The following XRN1 variants were observed in gnomAD, a reference collection of about 807,000 sequenced individuals.
XRN1 encodes the protein 5'-3' exoribonuclease 1, also known as strand-exchange protein 1 homolog.
A neutral mutation model predicts 222.3 loss-of-function variants in XRN1; 67 were observed. The observed-to-expected ratio is 0.30, with a 90% CI of 0.25 to 0.37. XRN1 has a LOEUF of 0.37. Among genes scored for constraint, XRN1 ranks in the 10% least tolerant of loss-of-function variants. XRN1 has a pLI of 1.00. For missense variants in XRN1, 1,707 were observed against 2,000.2 expected (o/e 0.85, Z 2.80); for synonymous variants, 643 against 652.4 (o/e 0.99, Z 0.22).
chr3:142,424,152 G>A (rs1050925029), intron 5 of XRN1, among the ~76,000 whole-genome samples: 6 of 151,912 alleles, frequency 3.9e-5, no homozygotes. Context: ...CTGGAGCAGT[G>A]GCGCGATCTT....
At position 142,400,494 on chromosome 3, in the gene XRN1, C is replaced by T; in HGVS notation, c.2157G>A (p.Trp719Ter). ...CGACTCTAGCTTCCTCAAGGTGAGG[C>T]CAATTAACAAAGACAGATTTTCCAA... ...SVLGKSVFVNWPHLEEARVVA... is the reference protein window; with the variant it reads ...SVLGKSVFVN Residue 719 changes from tryptophan to a stop codon, truncating the protein, a stop_gained, in exon 19 of 41, where the codon TGG becomes TGA. Coordinates refer to ENST00000392981, the MANE Select transcript of XRN1 (RefSeq NM_001282857.2). LOFTEE classifies it high-confidence loss of function. 1 of 1,611,864 alleles carries T rather than the reference C, an allele frequency of 6.2e-7. No homozygotes were observed. Among genetic ancestry groups the T allele is most frequent in the Non-Finnish European group, 8.5e-7 (1 of 1,178,842 alleles).
Position 142,425,548 on chromosome 3 carries a change from A to T in XRN1, c.407-10T>A. On this transcript the variant is annotated splice_polypyrimidine_tract_variant and intron_variant, in intron 3 of 40. Coordinates refer to ENST00000392981, the MANE Select transcript of XRN1 (RefSeq NM_001282857.2). ...GCCATAAATTCAGTTCCTAAAAATAATGTTTTAAAAAGGTTAATCTAAGAA... is the reference window on the plus strand; with the variant it reads ...GCCATAAATTCAGTTCCTAAAAATATTGTTTTAAAAAGGTTAATCTAAGAA... 1 of 1,597,556 alleles carries T rather than the reference A, an allele frequency of 6.3e-7. No homozygotes were observed. Among genetic ancestry groups the T allele is most frequent in the Non-Finnish European group, 8.6e-7 (1 of 1,168,496 alleles).
chr3:142,329,944 T>C (rs1326761322), intron 36 of XRN1, among the ~76,000 whole-genome samples: 1 of 152,200 alleles, frequency 6.6e-6, no homozygotes, highest in Non-Finnish European at 1.5e-5. Flanking sequence ...AAGATGAGTC[T>C]TCCATGAAGC....
Position 142,401,651 on chromosome 3 carries a change from A to G in XRN1, c.2104-1104T>C, listed in dbSNP as rs529897829. Among the ~76,000 whole-genome samples the G allele has an allele frequency of 3.9e-3, 588 of 152,094 alleles. 11 individuals carry two copies. The highest frequency in any genetic ancestry group is 0.014 in the African/African-American group (574 of 41,512). On this transcript the variant is annotated intron_variant, in intron 18 of 40. Transcript: ENST00000392981. ...GAGAATCGCTCCTGGGCAGCAGAGG[A>G]TGCAGTGACCCAAGATAGCGCCACT...
intron 19 of XRN1, among the ~76,000 whole-genome samples, chr3:142,399,524 T>C (rs2068049318): frequency 6.6e-6 from 1 of 152,038 alleles, no homozygotes; most frequent in African/African-American, 2.4e-5. Flanking sequence ...ATCTTCTGGA[T>C]CTAGGGCTAG....
chr3:142,327,875 A>G (rs1385212093), intron 37 of XRN1, among the ~76,000 whole-genome samples: 26 of 152,140 alleles, frequency 1.7e-4, no homozygotes. Context: ...TTCACACTCT[A>G]TATCCCTATG....
chr3:142,387,226 T>C (rs2067537379), intron 20 of XRN1, among the ~76,000 whole-genome samples: 1 of 152,158 alleles, frequency 6.6e-6, no homozygotes, highest in African/African-American at 2.4e-5. Flanking sequence ...GAATACACTC[T>C]GTGTGAATGA....
intron 36 of XRN1, among the ~76,000 whole-genome samples, chr3:142,332,039 GT>G (rs1290419476): frequency 6.6e-6 from 1 of 152,126 alleles, no homozygotes; most frequent in African/African-American, 2.4e-5. Flanking sequence ...GCTTCCCAAA[GT>G]TCTGAGATTA....
intron 15 of XRN1, among the ~76,000 whole-genome samples, chr3:142,412,241 C>T (rs974702346): frequency 6.6e-6 from 1 of 152,152 alleles, no homozygotes; most frequent in Non-Finnish European, 1.5e-5. Context: ...TTATTAGATA[C>T]AACATATTTA....
At position 142,447,452 on chromosome 3, in the gene XRN1, C is replaced by G. The variant is rs1446198012; in HGVS notation, c.75+418G>C. ...GACTGCGTGCGGAAGCGGCTGTTAT[C>G]GTCTGTAAGTGGGTCTGCCGCTCTG... is the stretch of plus-strand genomic sequence containing the variant. On this transcript the variant is annotated intron_variant, in intron 1 of 40. Coordinates refer to ENST00000392981, the MANE Select transcript of XRN1 (RefSeq NM_001282857.2). The surrounding 1 kb of genome is among the most constrained non-coding windows in gnomAD (Gnocchi z 4.2). 2.0e-5 allele frequency among the ~76,000 whole-genome samples: 3 copies of G among 152,204 alleles called. No individual in the cohort carries two copies. The highest frequency in any genetic ancestry group is 7.2e-5 in the African/African-American group (3 of 41,460).
In XRN1 at chr3:142,418,425, T is replaced by TCAAAATCATATACTA. The variant is rs2068869902; in HGVS notation, c.1346+78_1346+79insTAGTATATGATTTTG. On this transcript the variant is annotated intron_variant, in intron 12 of 40. Transcript: ENST00000392981. ...AAAAAATCCTTTTTCTCCCACTACT[T>TCAAAATCATATACTA]CATCAAAATCATATTTTCTGAATAA... 5 of 1,158,360 alleles carry TCAAAATCATATACTA rather than the reference T, an allele frequency of 4.3e-6. No homozygotes were observed. In the East Asian group the frequency reaches 1.2e-4, roughly 29 times the overall value. 71.8% of individuals were successfully genotyped at this position (1,158,360 alleles called of 1,614,324 possible). A position where few individuals can be genotyped will look rare whatever the true frequency, so the allele number is the denominator to read the frequency against.
At chr3:142,402,212 C>T (rs1028072995) in intron 18 of XRN1, among the ~76,000 whole-genome samples, 4 of 151,532 alleles carry the variant, frequency 2.6e-5, no homozygotes, top group Admixed American at 2.0e-4. Context: ...GATGGAGTTT[C>T]GCTCTTGTCA....
chr3:142,370,068 G>GA (rs1188530826), intron 27 of XRN1, among the ~76,000 whole-genome samples: 1 of 143,726 alleles, frequency 7.0e-6, no homozygotes, highest in Non-Finnish European at 1.5e-5. Context: ...AAAAAAAAAA[G>GA]AATGTAGTTA....
At chr3:142,329,341 C>T in intron 37 of XRN1, 93 bp downstream of exon 37, 1 of 861,896 alleles carries the variant, frequency 1.2e-6, no homozygotes, top group Non-Finnish European at 1.6e-6. Flanking sequence ...AAAAATAGGC[C>T]CCATTTTATT....
intron 18 of XRN1, among the ~76,000 whole-genome samples, 158 bp from the exon 19 acceptor site, chr3:142,400,705 A>G (rs1009135408): frequency 6.6e-6 from 1 of 152,124 alleles, no homozygotes; most frequent in African/African-American, 2.4e-5. Flanking sequence ...CAAAACTTAA[A>G]GTCCAGAGGT....
intron 30 of XRN1, 86 bp from the exon 31 acceptor site, chr3:142,357,205 T>C: frequency 7.8e-7 from 1 of 1,279,150 alleles, no homozygotes; most frequent in Non-Finnish European, 1.1e-6. Context: ...TGGTGGACAA[T>C]CCATCATCAG....
Position 142,329,455 on chromosome 3 carries a change from G to A in XRN1, c.4383C>T (p.Phe1461=). The A allele has an allele frequency of 6.3e-7, 1 of 1,580,904 alleles. No individual in the cohort carries two copies. The highest frequency in any genetic ancestry group is 1.4e-5 in the African/African-American group (1 of 72,832). The change falls in exon 37 of 41, where the codon TTC becomes TTT. Residue 1461 remains phenylalanine (F), a synonymous_variant. Coordinates refer to ENST00000392981, the MANE Select transcript of XRN1 (RefSeq NM_001282857.2). ...CSLVGMPQPD[F]SFLRMPQTMT... is the part of the protein sequence containing the mutation. ...ATACCTGTGGCATCCTAAGAAAGGA[G>A]AAATCAGGTTGTGGCATTCCAACAA...
rs1280553306 is a variant in XRN1 at position 142,310,037 on chromosome 3, A to G, written c.*1474T>C. ...GAAACTTATACGACTATGATAAATG[A>G]CAGATAATGAATATTTCTCTCTTAT... On this transcript the variant is annotated 3_prime_UTR_variant, in exon 41 of 41. Transcript: ENST00000392981. The G allele has an allele frequency of 2.0e-5, 3 of 152,658 alleles. No individual in the cohort carries two copies. The East Asian group carries it at 5.8e-4, about 29-fold the overall frequency. The allele number at this position is 152,658 out of a possible 1,614,324, so 9.5% of individuals were successfully genotyped here. A position where few individuals can be genotyped will look rare whatever the true frequency, so the allele number is the denominator to read the frequency against.
At chr3:142,379,298 C>A (rs1220688240) in intron 23 of XRN1, among the ~76,000 whole-genome samples, 1 of 151,752 alleles carries the variant, frequency 6.6e-6, no homozygotes, top group Non-Finnish European at 1.5e-5. Flanking sequence ...AAACCAAAAC[C>A]AAAACAAAAT....
Sources: allele counts gnomAD v4.1 joint callset (sites outside exome capture counted in the v4.1 genomes callset), GRCh38; gene constraint gnomAD v4.1.1; non-coding constraint Gnocchi (gnomAD v3.1); transcripts MANE v1.5; gene names NCBI Gene and HGNC (gene_info 2026-07-23, HGNC 2026-07-21).